The following TRIP12 variants were observed in gnomAD, a reference collection of about 807,000 sequenced individuals.
TRIP12 encodes the protein E3 ubiquitin-protein ligase TRIP12.
TRIP12 carries 25 observed loss-of-function variants against 244.2 expected under a neutral mutation model. The observed-to-expected ratio is 0.10, with a 90% CI of 0.07 to 0.14. TRIP12 has a LOEUF of 0.14. Among genes scored for constraint, TRIP12 ranks in the 10% least tolerant of loss-of-function variants. TRIP12 has a pLI of 1.00. For synonymous variants in TRIP12, 905 were observed against 873.1 expected (o/e 1.04, Z -0.64); for missense variants, 1,677 against 2,486.4 (o/e 0.67, Z 6.92).
In TRIP12 at chr2:229,818,352, CATT is replaced by C. The variant is rs747184439; in HGVS notation, c.1599+9_1599+11del. 1 of 1,612,628 alleles carries C rather than the reference CATT, an allele frequency of 6.2e-7. No homozygotes were observed. Among genetic ancestry groups the C allele is most frequent in the Non-Finnish European group, 8.5e-7 (1 of 1,179,462 alleles). On this transcript the variant is annotated intron_variant, in intron 9 of 41. Transcript: ENST00000675903. ...AAATGAGGTAAAAACGAGGGAAAAA[CATT>C]ATGCTTACCAAAGCTGGAACAACAC...
intron 2 of TRIP12, among the ~76,000 whole-genome samples, chr2:229,874,937 C>T (rs1324959859): frequency 2.0e-5 from 3 of 152,096 alleles, no homozygotes; most frequent in Admixed American, 6.5e-5. Context: ...AAAAAGCACA[C>T]GGTATAATAA....
chr2:229,890,110 T>G (rs2066974736), intron 1 of TRIP12, among the ~76,000 whole-genome samples: 1 of 150,644 alleles, frequency 6.6e-6, no homozygotes, highest in Admixed American at 6.6e-5. Flanking sequence ...GATGGAGTCT[T>G]GTTCTGTCGC....
intron 30 of TRIP12, 114 bp from the exon 31 acceptor site, chr2:229,789,876 G>A (rs2040996795): frequency 8.9e-7 from 1 of 1,125,970 alleles, no homozygotes; most frequent in African/African-American, 1.6e-5. Flanking sequence ...GTCAACGCTT[G>A]GAATCTTATT....
At chr2:229,817,600 C>T (rs963123628) in intron 9 of TRIP12, among the ~76,000 whole-genome samples, 5 of 151,996 alleles carry the variant, frequency 3.3e-5, no homozygotes. Context: ...TTTTCTGAGA[C>T]AAGAGTTTTG....
At chr2:229,911,112 G>GA (rs2074198345) in intron 1 of TRIP12, among the ~76,000 whole-genome samples, 1 of 152,162 alleles carries the variant, frequency 6.6e-6, no homozygotes, top group Non-Finnish European at 1.5e-5. Context: ...CTGTTTTACA[G>GA]AAAAACAGGC....
Position 229,778,727 on chromosome 2 carries a change from A to G in TRIP12, c.5210-140T>C. The G allele has an allele frequency of 7.4e-7, 1 of 1,343,332 alleles. No homozygotes were observed. Among genetic ancestry groups the G allele is most frequent in the Non-Finnish European group, 1.0e-6 (1 of 974,284 alleles). 83.2% of individuals were successfully genotyped at this position (1,343,332 alleles called of 1,614,324 possible). ...TGAATGAAGTCCTCTAGAACTGGAC[A>G]GGCCTTCCCTATTTGATAAATGAGA... On this transcript the variant is annotated intron_variant, in intron 35 of 41. Transcript: ENST00000675903. The surrounding 1 kb of genome is among the most constrained non-coding windows in gnomAD (Gnocchi z 4.1).
At chr2:229,898,990 G>A (rs1204776485) in intron 1 of TRIP12, among the ~76,000 whole-genome samples, 1 of 152,168 alleles carries the variant, frequency 6.6e-6, no homozygotes, top group Non-Finnish European at 1.5e-5. Flanking sequence ...GCTCAGTATT[G>A]CTGAATACAC....
Position 229,814,092 on chromosome 2 carries a change from T to A in TRIP12, c.1825-61A>T, listed in dbSNP as rs538615138. On this transcript the variant is annotated intron_variant, in intron 12 of 41. Coordinates refer to ENST00000675903, the MANE Select transcript of TRIP12 (RefSeq NM_001348323.3). Reference sequence around the variant, plus strand: ...CCTTTATCAGCAATAAAAAATAATTTAACTCATAAAAAGTCTAGCACATTA... The same window carrying A: ...CCTTTATCAGCAATAAAAAATAATTAAACTCATAAAAAGTCTAGCACATTA... The A allele has an allele frequency of 6.6e-6, 10 of 1,520,702 alleles. No individual in the cohort carries two copies. In the South Asian group the frequency reaches 1.3e-4, roughly 19 times the overall value. The allele number at this position is 1,520,702 out of a possible 1,614,324, so 94.2% of individuals were successfully genotyped here. A position where few individuals can be genotyped will look rare whatever the true frequency, so the allele number is the denominator to read the frequency against.
chr2:229,855,292 C>G (rs1378833955), intron 4 of TRIP12, among the ~76,000 whole-genome samples: 1 of 151,992 alleles, frequency 6.6e-6, no homozygotes, highest in Non-Finnish European at 1.5e-5. Flanking sequence ...AAACAAAAAA[C>G]AACAACTTGC....
At chr2:229,793,609 T>C (rs558241055) in intron 26 of TRIP12, among the ~76,000 whole-genome samples, 7 of 152,334 alleles carry the variant, frequency 4.6e-5, no homozygotes, top group Non-Finnish European at 8.8e-5. Context: ...AAATTTACCT[T>C]GCTATAATAG....
chr2:229,782,907 C>T (rs932702690), intron 34 of TRIP12, among the ~76,000 whole-genome samples: 1 of 151,836 alleles, frequency 6.6e-6, no homozygotes, highest in African/African-American at 2.4e-5. Context: ...AGGGAAGCCC[C>T]AAAACTCTAA....
intron 4 of TRIP12, among the ~76,000 whole-genome samples, chr2:229,857,972 G>A (rs1396298704): frequency 1.3e-5 from 2 of 152,142 alleles, no homozygotes; most frequent in Non-Finnish European, 2.9e-5. Flanking sequence ...TTAAAAGACT[G>A]TGAGATATTA....
chr2:229,848,532 A>C (rs547681033), intron 4 of TRIP12, among the ~76,000 whole-genome samples: 10 of 152,342 alleles, frequency 6.6e-5, no homozygotes, highest in African/African-American at 2.2e-4. Context: ...GTAGAAATCT[A>C]CCAGAAACAG....
At chr2:229,797,294 C>T (rs2043051033) in intron 24 of TRIP12, among the ~76,000 whole-genome samples, 1 of 152,026 alleles carries the variant, frequency 6.6e-6, no homozygotes, top group African/African-American at 2.4e-5. Flanking sequence ...ACGTAAAACA[C>T]TTATTAGTAA....
intron 8 of TRIP12, among the ~76,000 whole-genome samples, chr2:229,824,068 G>T (rs942816027): frequency 2.6e-5 from 4 of 152,068 alleles, no homozygotes; most frequent in African/African-American, 9.7e-5. Context: ...CGTATATATA[G>T]GTAAAACAAA....
rs2037000155 is a variant in TRIP12 at position 229,778,380 on chromosome 2, T to C, written c.5364+53A>G. On this transcript the variant is annotated intron_variant, in intron 36 of 41. Coordinates refer to ENST00000675903, the MANE Select transcript of TRIP12 (RefSeq NM_001348323.3). The surrounding 1 kb of genome is among the most constrained non-coding windows in gnomAD (Gnocchi z 4.1). ...GTAAACTACAGGGGACTGAGGTACT[T>C]GCACAGAACATTCTACACCAAAACT... 1.2e-6 allele frequency: 2 copies of C among 1,605,510 alleles called. 1 individual carries two copies. Among genetic ancestry groups the C allele is most frequent in the Non-Finnish European group, 1.7e-6 (2 of 1,173,798 alleles).
At position 229,767,505 on chromosome 2, in the gene TRIP12, G is replaced by A; in HGVS notation, c.*49C>T. The stretch of plus-strand genomic sequence containing the variant: ...GTGATAACATTAGAAAAGAAATCAT[G>A]ATTTGTTTCTTTTGCTGTAACAGGC... On this transcript the variant is annotated 3_prime_UTR_variant, in exon 42 of 42. Transcript: ENST00000675903. The A allele has an allele frequency of 6.5e-7, 1 of 1,527,938 alleles. No individual in the cohort carries two copies. The allele number at this position is 1,527,938 out of a possible 1,614,324, so 94.6% of individuals were successfully genotyped here.
intron 1 of TRIP12, among the ~76,000 whole-genome samples, chr2:229,916,126 CTAATCTA>C (rs1165503403): frequency 6.6e-6 from 1 of 152,152 alleles, no homozygotes; most frequent in Non-Finnish European, 1.5e-5. Context: ...TCTGTGGAGC[CTAATCTA>C]AATACAGAAT....
intron 2 of TRIP12, among the ~76,000 whole-genome samples, chr2:229,867,306 C>T (rs13384755): frequency 0.017 from 2,523 of 151,900 alleles, 69 homozygotes; most frequent in African/African-American, 0.058. Context: ...GCTAGGACTA[C>T]AGGTGCCTGC....
Sources: gnomAD v4.1 joint callset for allele counts (sites outside exome capture counted in the v4.1 genomes callset) on GRCh38, gnomAD v4.1.1 for gene constraint, Gnocchi (gnomAD v3.1) non-coding constraint, MANE v1.5 for transcripts, NCBI Gene and HGNC (gene_info 2026-07-23, HGNC 2026-07-21) for gene names.